Variants in CD163L1 observed in about 807,000 individuals in gnomAD.
CD163L1 encodes the protein CD163 molecule like 1, also known as scavenger receptor cysteine-rich type 1 protein M160.
CD163L1 carries 124 observed loss-of-function variants against 165.4 expected under a neutral mutation model. The observed-to-expected ratio is 0.75, with a 90% confidence interval of 0.65 to 0.87. The LOEUF is 0.87. CD163L1 is among the 40% of genes least tolerant of loss of function. CD163L1 has a pLI of 0.00. For synonymous variants in CD163L1, 585 were observed against 662.2 expected, an observed-to-expected ratio of 0.88 and a Z score of 1.79; for missense variants, 1,525 against 1,799.9, an observed-to-expected ratio of 0.85 and a Z score of 2.76.
intron 8 of CD163L1, among the ~76,000 whole-genome samples, chr12:7,393,908 A>G (rs1947715150): frequency 6.6e-6 from 1 of 152,198 alleles, no homozygotes; most frequent in Non-Finnish European, 1.5e-5. Context: ...CCACTGCTCA[A>G]CGAAATAAAA....
At chr12:7,380,816 A>G (rs1465750621) in intron 8 of CD163L1, among the ~76,000 whole-genome samples, 1 of 152,178 alleles carries the variant, frequency 6.6e-6, no homozygotes, top group Non-Finnish European at 1.5e-5. Flanking sequence ...CGAAGAATTA[A>G]ATCAGAAATT....
intron 2 of CD163L1, among the ~76,000 whole-genome samples, chr12:7,440,493 A>T (rs1285833124): frequency 1.3e-5 from 2 of 151,790 alleles, no homozygotes; most frequent in African/African-American, 4.8e-5. Flanking sequence ...ACACATATAT[A>T]TTTTTAATTG....
chr12:7,328,950 T>G, the CD163L1 span, among the ~76,000 whole-genome samples: 2 of 149,174 alleles, frequency 1.3e-5, no homozygotes, highest in African/African-American at 2.4e-5. Flanking sequence ...TATATGTATA[T>G]ATACTGTATA....
At chr12:7,333,232 A>C in the CD163L1 span, among the ~76,000 whole-genome samples, 59 of 152,334 alleles carry the variant, frequency 3.9e-4, 2 homozygotes, top group South Asian at 8.9e-3. Flanking sequence ...TTGACCGCAT[A>C]GTTGGAAGTA....
At chr12:7,439,523 T>G in intron 2 of CD163L1, 1 of 1,577,566 alleles carries the variant, frequency 6.3e-7, no homozygotes, top group Non-Finnish European at 8.6e-7. Flanking sequence ...TGCCTTAATT[T>G]TTTCTTTTTC....
chr12:7,442,987 A>G (rs1948849147), intron 1 of CD163L1, among the ~76,000 whole-genome samples: 1 of 152,218 alleles, frequency 6.6e-6, no homozygotes, highest in African/African-American at 2.4e-5. Context: ...CACCAATTCA[A>G]GACCTTCATC....
the CD163L1 span, chr12:7,323,277 G>A: frequency 8.7e-6 from 14 of 1,611,416 alleles, no homozygotes; most frequent in Admixed American, 1.2e-4. Flanking sequence ...ATTAAACCAG[G>A]TTCAATGGGG....
intron 18 of CD163L1, among the ~76,000 whole-genome samples, chr12:7,361,516 T>G (rs1946891117): frequency 1.3e-5 from 2 of 152,206 alleles, no homozygotes; most frequent in African/African-American, 4.8e-5. Context: ...CTTAGTTGCC[T>G]GTGCCACATT....
At chr12:7,323,937 GA>G in the CD163L1 span, among the ~76,000 whole-genome samples, 1 of 152,036 alleles carries the variant, frequency 6.6e-6, no homozygotes, top group Non-Finnish European at 1.5e-5. Context: ...AGCACTTTAG[GA>G]GGCCGAGGTG....
At chr12:7,439,881 C>T in intron 2 of CD163L1, 3 of 1,607,774 alleles carry the variant, frequency 1.9e-6, no homozygotes, top group South Asian at 2.2e-5. Context: ...CGTCATTATC[C>T]CCGCCCACTA....
intron 4 of CD163L1, among the ~76,000 whole-genome samples, chr12:7,426,605 C>T (rs769246580): frequency 1.3e-5 from 2 of 152,138 alleles, no homozygotes; most frequent in East Asian, 1.9e-4. Context: ...TACTAAAGAA[C>T]TTATTCATGT....
chr12:7,421,087 G>A (rs145066155), intron 4 of CD163L1, among the ~76,000 whole-genome samples: 724 of 93,484 alleles, frequency 7.7e-3, no homozygotes, highest in Middle Eastern at 0.011. Flanking sequence ...ATATATATAC[G>A]TATATATATG....
At chr12:7,330,002 T>A in the CD163L1 span, among the ~76,000 whole-genome samples, 1 of 152,346 alleles carries the variant, frequency 6.6e-6, no homozygotes, top group Admixed American at 6.5e-5. Flanking sequence ...GGTCTTATAC[T>A]ATCAAAAGAA....
the CD163L1 span, among the ~76,000 whole-genome samples, chr12:7,337,365 C>T: frequency 2.2e-4 from 34 of 152,186 alleles, no homozygotes; most frequent in South Asian, 6.8e-3. Flanking sequence ...AAGAAACTAC[C>T]ATCAGAGTGA....
At chr12:7,433,341 T>C (rs1205545371) in intron 3 of CD163L1, 33 bp downstream of exon 3, 7 of 1,548,342 alleles carry the variant, frequency 4.5e-6, no homozygotes, top group East Asian at 4.5e-5. Context: ...GGGTAGGTCT[T>C]ACCTTGCCTT....
the CD163L1 span, chr12:7,328,476 C>T: frequency 1.1e-6 from 1 of 921,242 alleles, no homozygotes; most frequent in East Asian, 3.6e-5. Flanking sequence ...TAAGATCTTT[C>T]CTGCTTGAAA....
intron 2 of CD163L1, among the ~76,000 whole-genome samples, chr12:7,438,024 T>C (rs1410194992): frequency 6.6e-6 from 1 of 152,198 alleles, no homozygotes; most frequent in Non-Finnish European, 1.5e-5. Flanking sequence ...TTTTTTAAAA[T>C]TCATTTTTGC....
the CD163L1 span, chr12:7,328,215 G>A: frequency 8.4e-7 from 1 of 1,186,752 alleles, no homozygotes; most frequent in Non-Finnish European, 1.2e-6. Context: ...TTCCATGCAA[G>A]CTCCTTCCTA....
chr12:7,335,529 C>A, the CD163L1 span, among the ~76,000 whole-genome samples: 1 of 152,082 alleles, frequency 6.6e-6, no homozygotes, highest in African/African-American at 2.4e-5. Flanking sequence ...AGACCTAAAA[C>A]CATAAAAACC....
Sources: allele counts gnomAD v4.1 joint callset (sites outside exome capture counted in the v4.1 genomes callset), GRCh38; gene constraint gnomAD v4.1.1; transcripts MANE v1.5; gene names NCBI Gene and HGNC (gene_info 2026-07-23, HGNC 2026-07-21).